TDP1: variants seen among roughly 807,000 people sequenced by gnomAD.
TDP1 encodes tyr-DNA phosphodiesterase 1.
Under a neutral mutation model 81.5 loss-of-function variants are expected in TDP1, and 64 were observed. The ratio of observed to expected loss-of-function variants is 0.79; its 90% CI spans 0.64 to 0.97. The LOEUF is 0.97. Among genes scored for constraint, TDP1 ranks in the 50% least tolerant of loss-of-function variants. The pLI is 0.00. For missense variants in TDP1, 723 were observed against 743.8 expected (o/e 0.97, Z 0.33); for synonymous variants, 256 against 264.3 (o/e 0.97, Z 0.30).
chr14:89,969,839 T>C (rs1201630286), intron 5 of TDP1, among the ~76,000 whole-genome samples: 2 of 151,994 alleles, frequency 1.3e-5, no homozygotes, highest in Non-Finnish European at 2.9e-5. Context: ...ATCCAATTTT[T>C]GTTGTGTTGG....
At chr14:89,974,806 G>A (rs1321937966) in intron 6 of TDP1, among the ~76,000 whole-genome samples, 1 of 152,204 alleles carries the variant, frequency 6.6e-6, no homozygotes, top group Non-Finnish European at 1.5e-5. Flanking sequence ...CCCATGTACT[G>A]CGTTCCTAAT....
intron 2 of TDP1, among the ~76,000 whole-genome samples, chr14:89,957,904 C>T (rs1348179896): frequency 1.3e-5 from 2 of 152,186 alleles, no homozygotes; most frequent in African/African-American, 2.4e-5. Flanking sequence ...CAGGAGGTGC[C>T]CTGCCCACTC....
chr14:89,994,132 T>C (rs1290317760), intron 14 of TDP1, among the ~76,000 whole-genome samples: 1 of 152,226 alleles, frequency 6.6e-6, no homozygotes, highest in Non-Finnish European at 1.5e-5. Flanking sequence ...ACCCAACGAT[T>C]AGGCATCTCT....
At chr14:90,014,944 A>T (rs1425407557) in intron 14 of TDP1, among the ~76,000 whole-genome samples, 2 of 152,200 alleles carry the variant, frequency 1.3e-5, no homozygotes, top group East Asian at 3.9e-4. Flanking sequence ...TGTTACCATG[A>T]ACATCCAACA....
chr14:90,008,651 A>G (rs1566903055), intron 14 of TDP1, among the ~76,000 whole-genome samples: 1 of 152,256 alleles, frequency 6.6e-6, no homozygotes, highest in African/African-American at 2.4e-5. Flanking sequence ...ATTAGCTGCC[A>G]TTATTAGCAA....
chr14:89,988,058 G>C (rs1413457802), intron 10 of TDP1, among the ~76,000 whole-genome samples: 1 of 151,988 alleles, frequency 6.6e-6, no homozygotes, highest in Non-Finnish European at 1.5e-5. Context: ...AGAGCAGCTC[G>C]CTGAACTCAG....
At chr14:90,036,151 AAAT>A (rs748824685) in intron 16 of TDP1, among the ~76,000 whole-genome samples, 2 of 152,148 alleles carry the variant, frequency 1.3e-5, no homozygotes, top group Admixed American at 6.5e-5. Flanking sequence ...GCTTAAGCTA[AAAT>A]AATAATAATA....
In TDP1 at chr14:89,994,086, GA is replaced by G. The variant is rs369895711; in HGVS notation, c.1541+607del. Among the ~76,000 whole-genome samples the G allele has an allele frequency of 1.5e-3, 228 of 152,276 alleles. 1 individual carries two copies. Among genetic ancestry groups the G allele is most frequent in the African/African-American group, 5.2e-3 (215 of 41,568 alleles). On this transcript the variant is annotated intron_variant, in intron 14 of 16. Transcript: ENST00000335725. ...AGGAAGATAAATTGCTATGCCCTTTGAAAACTAGAACTTTAGTTCCTGACTC... is the reference window on the plus strand; with the variant it reads ...AGGAAGATAAATTGCTATGCCCTTTGAAACTAGAACTTTAGTTCCTGACTC...
At position 89,980,596 on chromosome 14, in the gene TDP1, A is replaced by T. The variant is rs1303253232; in HGVS notation, c.848A>T (p.Asn283Ile). The T allele has an allele frequency of 3.1e-6, 5 of 1,614,202 alleles. No individual in the cohort carries two copies. Among genetic ancestry groups the T allele is most frequent in the South Asian group, 1.1e-5 (1 of 91,080 alleles). The part of the protein sequence containing the change: ...EGLRVVIHTS[N>I]LIHADWHQKT... ...CTCCGGGTTGTCATACACACCTCCA[A>T]CCTCATCCATGCTGACTGGCACCAG... The change falls in exon 8 of 17, where the codon AAC (asparagine) becomes ATC (isoleucine). Residue 283 changes from asparagine (N) to isoleucine (I), a missense_variant. Physicochemically the swap from Asn to Ile is moderately radical, Grantham distance 149. Transcript: ENST00000335725.
At chr14:89,983,071 A>G (rs1436659152) in intron 8 of TDP1, 2 of 454,970 alleles carry the variant, frequency 4.4e-6, no homozygotes, top group Non-Finnish European at 8.8e-6. Flanking sequence ...CTCATATCTC[A>G]GCATCTTAGT....
In TDP1 at chr14:90,023,789, AG is replaced by A. The variant is rs561708751; in HGVS notation, c.1644+4372del. Among the ~76,000 whole-genome samples, 576 of 151,908 alleles carry A rather than the reference AG, an allele frequency of 3.8e-3. 5 individuals carry two copies. Among genetic ancestry groups the A allele is most frequent in the Non-Finnish European group, 5.5e-3 (376 of 67,976 alleles). ...CAGGCTCAAGCAGTCCTCCCACTTC[AG>A]CCTCCTGAGTAGCTGGGACTACAAG... On this transcript the variant is annotated intron_variant, in intron 15 of 16. Transcript: ENST00000335725.
intron 14 of TDP1, among the ~76,000 whole-genome samples, chr14:89,994,136 C>T (rs1374350757): frequency 6.6e-6 from 1 of 152,192 alleles, no homozygotes; most frequent in East Asian, 1.9e-4. Context: ...AACGATTAGG[C>T]ATCTCTTTAT....
At chr14:89,988,339 G>A (rs1310936157) in intron 10 of TDP1, among the ~76,000 whole-genome samples, 4 of 152,142 alleles carry the variant, frequency 2.6e-5, no homozygotes, top group African/African-American at 9.7e-5. Flanking sequence ...CCTGGAGGAT[G>A]GGGGGTTGTG....
At chr14:89,978,956 G>A (rs1052131521) in intron 7 of TDP1, among the ~76,000 whole-genome samples, 2 of 150,312 alleles carry the variant, frequency 1.3e-5, no homozygotes, top group Admixed American at 6.6e-5. Flanking sequence ...GTCTCTTCTC[G>A]TACCCTTTTT....
At chr14:89,982,736 C>T (rs1895126223) in intron 8 of TDP1, among the ~76,000 whole-genome samples, 1 of 152,208 alleles carries the variant, frequency 6.6e-6, no homozygotes, top group Non-Finnish European at 1.5e-5. Context: ...AGTACCAAGA[C>T]TATGAAATCT....
rs1311757984 is a variant in TDP1 at position 89,960,493 on chromosome 14, T to A, written c.-7-2615T>A. On this transcript the variant is annotated intron_variant, in intron 2 of 16. Transcript: ENST00000335725. ...ATTTAGGGAAAATATACCTATGCTA[T>A]GAGTTTTAACAACCCCTTGAAGTGG... Among the ~76,000 whole-genome samples the A allele has an allele frequency of 2.6e-5, 4 of 152,210 alleles. No individual in the cohort carries two copies. The East Asian group carries it at 7.7e-4, about 29-fold the overall frequency.
intron 14 of TDP1, among the ~76,000 whole-genome samples, chr14:90,014,716 A>G (rs1019360401): frequency 1.3e-5 from 2 of 152,242 alleles, no homozygotes; most frequent in Non-Finnish European, 2.9e-5. Context: ...GTATGTTCCC[A>G]TAACAGCAGT....
intron 7 of TDP1, among the ~76,000 whole-genome samples, chr14:89,976,643 T>C (rs915597146): frequency 2.0e-5 from 3 of 147,834 alleles, no homozygotes. Context: ...TTCAAACGAT[T>C]CTCCTGCCTC....
In TDP1 at chr14:90,033,157, C is replaced by T; in HGVS notation, c.1696C>T (p.Pro566Ser). The change falls in exon 16 of 17, where the codon CCA becomes TCA. Residue 566 changes from proline to serine, a missense_variant. Physicochemically the swap from Pro to Ser is moderately conservative, Grantham distance 74. Transcript: ENST00000335725. ...GAAGTTCTTCGCTGGCAGCCAGGAG[C>T]CAATGGCCACCTTTCCTGTGCCATA... ...KQKFFAGSQE[P>S]MATFPVPYDL... The T allele has an allele frequency of 6.2e-7, 1 of 1,613,360 alleles. No individual in the cohort carries two copies. The highest frequency in any genetic ancestry group is 8.5e-7 in the Non-Finnish European group (1 of 1,179,478).
Sources: allele counts gnomAD v4.1 joint callset (sites outside exome capture counted in the v4.1 genomes callset), GRCh38; gene constraint gnomAD v4.1.1; transcripts MANE v1.5; gene names NCBI Gene and HGNC (gene_info 2026-07-23, HGNC 2026-07-21).